Variants in CDIN1 observed in about 807,000 individuals in gnomAD.
The protein encoded by CDIN1 is CDAN1 interacting nuclease 1.
In CDIN1, 33 loss-of-function variants were observed where a neutral mutation model predicts 45.3. The ratio of observed to expected loss-of-function variants is 0.73; its 90% CI spans 0.55 to 0.97. The LOEUF (loss-of-function observed/expected upper bound fraction) is 0.97, where lower values mean the gene tolerates loss of function less well. Among genes scored for constraint, CDIN1 ranks in the 50% least tolerant of loss-of-function variants. CDIN1 has a pLI of 0.00. For synonymous variants in CDIN1, 118 were observed against 124.4 expected (o/e 0.95, Z 0.34); for missense variants, 303 against 339.4 (o/e 0.89, Z 0.84).
chr15:36,620,216 T>C lies in CDIN1; in HGVS notation c.102-24062T>C, dbSNP rs533784314. 1.0e-3 allele frequency among the ~76,000 whole-genome samples: 154 copies of C among 152,068 alleles called. 4 individuals carry two copies. In the South Asian group the frequency reaches 0.023, roughly 23 times the overall value. On this transcript the variant is annotated intron_variant, in intron 1 of 10. Coordinates refer to ENST00000566621, the MANE Select transcript of CDIN1 (RefSeq NM_001321759.2). ...AATACAAAAAATTAGCTGGGAGTGG[T>C]GGCGGGCGCCTGTAGGCCCAGCTAC...
intron 10 of CDIN1, among the ~76,000 whole-genome samples, chr15:36,786,145 T>C (rs755341878): frequency 3.3e-5 from 5 of 152,206 alleles, no homozygotes; most frequent in Non-Finnish European, 7.3e-5. Context: ...TAAGCATGCA[T>C]GTCCTTAATA....
At chr15:36,721,848 C>T (rs2043430162) in intron 10 of CDIN1, among the ~76,000 whole-genome samples, 1 of 151,910 alleles carries the variant, frequency 6.6e-6, no homozygotes, top group East Asian at 1.9e-4. Context: ...CCTTTAAACT[C>T]TAGTTGCCTT....
rs573074189 is a variant in CDIN1 at position 36,619,083 on chromosome 15, A to T, written c.102-25195A>T. The stretch of plus-strand genomic sequence containing the variant: ...AAGCTCCTTAGAAGTCCCTTGAGAA[A>T]CCAAATGAGAAGCCAGAAGCAAGGG... On this transcript the variant is annotated intron_variant, in intron 1 of 10. Transcript: ENST00000566621. The T allele has an allele frequency of 7.0e-6, 8 of 1,147,838 alleles. No homozygotes were observed. In the African/African-American group the frequency reaches 1.3e-4, roughly 18 times the overall value. 71.1% of individuals were successfully genotyped at this position (1,147,838 alleles called of 1,614,324 possible). A position where few individuals can be genotyped will look rare whatever the true frequency, so the allele number is the denominator to read the frequency against.
At chr15:36,686,407 T>A (rs1595470114) in intron 5 of CDIN1, among the ~76,000 whole-genome samples, 1 of 102,718 alleles carries the variant, frequency 9.7e-6, no homozygotes, top group Non-Finnish European at 1.9e-5. Flanking sequence ...CTGGGGACTG[T>A]TGTGGGGTGG....
chr15:36,750,804 C>CCT (rs2053439663), intron 10 of CDIN1, among the ~76,000 whole-genome samples: 1 of 152,116 alleles, frequency 6.6e-6, no homozygotes, highest in Admixed American at 6.5e-5. Flanking sequence ...AAGAGGCCAA[C>CCT]CTTATAACTC....
chr15:36,594,515 C>T (rs186318354), intron 1 of CDIN1, among the ~76,000 whole-genome samples: 13 of 152,046 alleles, frequency 8.6e-5, no homozygotes, highest in East Asian at 3.9e-4. Flanking sequence ...GCTTTTTGGA[C>T]GATTGTATTC....
intron 5 of CDIN1, among the ~76,000 whole-genome samples, chr15:36,673,221 T>C (rs2041516897): frequency 6.6e-6 from 1 of 152,076 alleles, no homozygotes; most frequent in African/African-American, 2.4e-5. Flanking sequence ...CTCCGGGTGT[T>C]TGAAAGGCCC....
intron 4 of CDIN1, among the ~76,000 whole-genome samples, chr15:36,654,609 A>G (rs1291128929): frequency 1.3e-5 from 2 of 150,952 alleles, no homozygotes; most frequent in Non-Finnish European, 2.9e-5. Flanking sequence ...GCAAACTTTT[A>G]TTATAATAAA....
intron 8 of CDIN1, chr15:36,705,912 T>C (rs1595498119): frequency 6.6e-6 from 1 of 152,188 alleles, no homozygotes; most frequent in East Asian, 1.9e-4. Context: ...CTATTTCAGA[T>C]TATTGCCATT....
At chr15:36,748,915 C>G (rs2140963964) in intron 10 of CDIN1, among the ~76,000 whole-genome samples, 1 of 152,246 alleles carries the variant, frequency 6.6e-6, no homozygotes, top group African/African-American at 2.4e-5. Flanking sequence ...ACTTTAACCT[C>G]CAACCTTCTC....
At chr15:36,671,431 A>C (rs1203277847) in intron 5 of CDIN1, among the ~76,000 whole-genome samples, 1 of 152,032 alleles carries the variant, frequency 6.6e-6, no homozygotes, top group Non-Finnish European at 1.5e-5. Flanking sequence ...TTTTGTTTTT[A>C]ATATTTCCTG....
intron 5 of CDIN1, among the ~76,000 whole-genome samples, chr15:36,689,840 T>C (rs2042179847): frequency 6.6e-6 from 1 of 152,228 alleles, no homozygotes; most frequent in Non-Finnish European, 1.5e-5. Context: ...CTAAGTTTGA[T>C]TTGATTCTTA....
chr15:36,596,842 G>A (rs1475787676), intron 1 of CDIN1, among the ~76,000 whole-genome samples: 1 of 151,988 alleles, frequency 6.6e-6, no homozygotes, highest in African/African-American at 2.4e-5. Flanking sequence ...CATGTTCACA[G>A]AAGAAGAAGC....
At chr15:36,769,128 A>G (rs1352474180) in intron 10 of CDIN1, among the ~76,000 whole-genome samples, 2 of 152,234 alleles carry the variant, frequency 1.3e-5, no homozygotes, top group South Asian at 2.1e-4. Context: ...CTAACATTGA[A>G]TATGCCTTTG....
intron 10 of CDIN1, among the ~76,000 whole-genome samples, chr15:36,742,473 G>C (rs763800317): frequency 6.6e-6 from 1 of 152,120 alleles, no homozygotes; most frequent in South Asian, 2.1e-4. Flanking sequence ...GATGGCCAAC[G>C]AAGAAGGCAA....
intron 10 of CDIN1, among the ~76,000 whole-genome samples, chr15:36,760,300 T>C (rs930067088): frequency 3.3e-5 from 5 of 152,180 alleles, no homozygotes. Context: ...TCTTGTAAAA[T>C]CTGTGTTATA....
rs2042969298 is a variant in CDIN1, at chr15:36,709,203, A to C, written c.545-20A>C. 6.3e-7 allele frequency: 1 copy of C among 1,578,982 alleles called. No homozygotes were observed. ...TAATTGAATAGTGTTTTAAGTAAAT[A>C]GTGTTTGTTCTTCCTGTAGATGAAG... is the stretch of plus-strand genomic sequence containing the variant. On this transcript the variant is annotated intron_variant, in intron 8 of 10. Coordinates refer to ENST00000566621, the MANE Select transcript of CDIN1 (RefSeq NM_001321759.2).
At chr15:36,751,229 T>TTTTATATATATATATATATATA (rs568110101) in intron 10 of CDIN1, among the ~76,000 whole-genome samples, 1 of 97,574 alleles carries the variant, frequency 1.0e-5, no homozygotes, top group Non-Finnish European at 1.9e-5. Flanking sequence ...TATGCTTATT[T>TTTTATATATATATATATATATA]TATATATATA....
At chr15:36,666,291 C>A (rs1050484083) in intron 5 of CDIN1, among the ~76,000 whole-genome samples, 3 of 152,034 alleles carry the variant, frequency 2.0e-5, no homozygotes, top group African/African-American at 4.8e-5. Flanking sequence ...CTCCTCTACC[C>A]CCACTGATGA....
Sources: gnomAD v4.1 joint callset for allele counts (sites outside exome capture counted in the v4.1 genomes callset) on GRCh38, gnomAD v4.1.1 for gene constraint, MANE v1.5 for transcripts, NCBI Gene and HGNC (gene_info 2026-07-23, HGNC 2026-07-21) for gene names.